ADCY1: variants seen among roughly 807,000 people sequenced by gnomAD.
The protein encoded by ADCY1 is adenylate cyclase 1, also known as adenylate cyclase type 1.
In ADCY1, 28 loss-of-function variants were observed where a neutral mutation model predicts 105.4. That is an observed-to-expected ratio of 0.27 (90% CI 0.20 to 0.36). ADCY1 has a LOEUF of 0.36. Ranked by LOEUF, ADCY1 falls within the 10% of genes least tolerant of loss-of-function variation. ADCY1 has a pLI of 1.00. For synonymous variants in ADCY1, 655 were observed against 623.8 expected (o/e 1.05, Z -0.75); for missense variants, 977 against 1,434.2 (o/e 0.68, Z 5.15).
intron 7 of ADCY1, among the ~76,000 whole-genome samples, chr7:45,661,470 G>A (rs942856166): frequency 2.0e-5 from 3 of 152,074 alleles, no homozygotes; most frequent in African/African-American, 4.8e-5. Flanking sequence ...AGGCCGGCCA[G>A]CAGGAACGAT....
chr7:45,593,221 T>A (rs951538047), intron 2 of ADCY1, among the ~76,000 whole-genome samples: 1 of 152,216 alleles, frequency 6.6e-6, no homozygotes, highest in Non-Finnish European at 1.5e-5. Context: ...AGGTCCTGGC[T>A]GGGCCTCGGA....
intron 4 of ADCY1, among the ~76,000 whole-genome samples, chr7:45,629,509 C>CTTTT (rs34705083): frequency 2.3e-5 from 3 of 129,402 alleles, no homozygotes; most frequent in Admixed American, 7.7e-5. Context: ...GTATGCTTAA[C>CTTTT]TTTTTTTTTT....
intron 14 of ADCY1, among the ~76,000 whole-genome samples, chr7:45,694,213 A>C (rs1330858123): frequency 6.6e-6 from 1 of 152,190 alleles, no homozygotes; most frequent in Admixed American, 6.5e-5. Context: ...CATTCTATTC[A>C]AGAGCACATA....
chr7:45,583,965 T>C lies in ADCY1; in HGVS notation c.639+8783T>C, dbSNP rs373827953. Among the ~76,000 whole-genome samples the C allele has an allele frequency of 7.1e-3, 1,042 of 146,842 alleles. 3 individuals carry two copies. Among genetic ancestry groups the C allele is most frequent in the Non-Finnish European group, 0.012 (786 of 66,658 alleles). On this transcript the variant is annotated intron_variant, in intron 1 of 19. Coordinates refer to ENST00000297323, the MANE Select transcript of ADCY1 (RefSeq NM_021116.4). ...TTTTTTTTTTTTTTTTTTTTTTTTT[T>C]CAGACAAAGTCTCTTTCTGTAGCCA...
At chr7:45,661,783 C>T (rs1256017140) in intron 7 of ADCY1, among the ~76,000 whole-genome samples, 1 of 152,208 alleles carries the variant, frequency 6.6e-6, no homozygotes, top group African/African-American at 2.4e-5. Context: ...CAGCCTTCCC[C>T]CGCACTTTGC....
At chr7:45,695,705 G>A (rs2116236691) in intron 14 of ADCY1, among the ~76,000 whole-genome samples, 1 of 152,362 alleles carries the variant, frequency 6.6e-6, no homozygotes, top group South Asian at 2.1e-4. Context: ...CCCAGAAGTT[G>A]CTTTCTGCCC....
chr7:45,720,564 AGC>A lies in ADCY1; in HGVS notation c.*6570_*6571del, dbSNP rs1305679689. ...AAATCAGAAAATCGACCACAGTGGT[AGC>A]CACCTGGCCTAATGCTGTGTTTTTG... On this transcript the variant is annotated 3_prime_UTR_variant, in exon 20 of 20. Coordinates refer to ENST00000297323, the MANE Select transcript of ADCY1 (RefSeq NM_021116.4). 6.6e-6 allele frequency: 1 copy of A among 151,982 alleles called. No homozygotes were observed. The highest frequency in any genetic ancestry group is 1.5e-5 in the Non-Finnish European group (1 of 68,036). 9.4% of individuals were successfully genotyped at this position (151,982 alleles called of 1,614,324 possible).
At chr7:45,656,102 A>G (rs558590189) in intron 5 of ADCY1, among the ~76,000 whole-genome samples, 5 of 151,990 alleles carry the variant, frequency 3.3e-5, no homozygotes, top group African/African-American at 1.2e-4. Context: ...CCTGGCTAAC[A>G]TGGTGAAACC....
At position 45,622,628 on chromosome 7, in the gene ADCY1, G is replaced by C; in HGVS notation, c.909-4G>C. ...GGGCAGCCTGGCACCCCTTTCTCTTGCAGCATCCTGTTTGCTGACATCGTG... is the reference window on the plus strand; with the variant it reads ...GGGCAGCCTGGCACCCCTTTCTCTTCCAGCATCCTGTTTGCTGACATCGTG... On this transcript the variant is annotated splice_region_variant and splice_polypyrimidine_tract_variant and intron_variant, in intron 3 of 19. Transcript: ENST00000297323. 6.2e-7 allele frequency: 1 copy of C among 1,612,604 alleles called. No individual in the cohort carries two copies. The highest frequency in any genetic ancestry group is 8.5e-7 in the Non-Finnish European group (1 of 1,179,032).
chr7:45,576,954 C>G (rs1792368290), intron 1 of ADCY1, among the ~76,000 whole-genome samples: 1 of 152,144 alleles, frequency 6.6e-6, no homozygotes, highest in African/African-American at 2.4e-5. Context: ...CCTATATAGC[C>G]TCTAGTCATT....
chr7:45,632,833 G>A (rs1794295316), intron 4 of ADCY1, among the ~76,000 whole-genome samples: 1 of 152,096 alleles, frequency 6.6e-6, no homozygotes, highest in Admixed American at 6.5e-5. Flanking sequence ...GCCTCGCAAA[G>A]TTGCAGGGAT....
intron 1 of ADCY1, 129 bp from the exon 2 acceptor site, chr7:45,592,630 C>G: frequency 7.7e-7 from 1 of 1,291,500 alleles, no homozygotes; most frequent in Non-Finnish European, 1.1e-6. Context: ...GTCCCTGGCC[C>G]TGCGCTGTGG....
At chr7:45,649,581 C>A (rs2116063542) in intron 5 of ADCY1, among the ~76,000 whole-genome samples, 1 of 152,346 alleles carries the variant, frequency 6.6e-6, no homozygotes, top group Admixed American at 6.5e-5. Flanking sequence ...GATGCACAGG[C>A]AAACACCCCA....
chr7:45,664,283 C>T (rs1195546814), intron 8 of ADCY1: 1 of 1,536,068 alleles, frequency 6.5e-7, no homozygotes, highest in East Asian at 2.4e-5. Flanking sequence ...GATGCCTCTC[C>T]TGTAGGTTCA....
At chr7:45,705,081 A>G (rs574200516) in intron 17 of ADCY1, among the ~76,000 whole-genome samples, 12 of 152,330 alleles carry the variant, frequency 7.9e-5, no homozygotes, top group Admixed American at 7.8e-4. Context: ...TCAATAATTA[A>G]TAATCTTCTG....
At chr7:45,697,069 A>G (rs1294357063) in intron 14 of ADCY1, among the ~76,000 whole-genome samples, 4 of 152,198 alleles carry the variant, frequency 2.6e-5, no homozygotes, top group South Asian at 2.1e-4. Context: ...CCTGATTTCA[A>G]TGTCTGACAT....
chr7:45,628,746 C>G (rs1017038319), intron 4 of ADCY1, among the ~76,000 whole-genome samples: 1 of 152,218 alleles, frequency 6.6e-6, no homozygotes, highest in African/African-American at 2.4e-5. Flanking sequence ...TTTCTTCCAA[C>G]AAACTGCACC....
intron 14 of ADCY1, among the ~76,000 whole-genome samples, chr7:45,687,871 AT>A (rs2116215893): frequency 6.6e-6 from 1 of 152,238 alleles, no homozygotes; most frequent in Admixed American, 6.5e-5. Flanking sequence ...GGACAAGAGC[AT>A]TTTCACCCTA....
intron 4 of ADCY1, among the ~76,000 whole-genome samples, chr7:45,645,597 G>T (rs9638987): frequency 6.6e-6 from 1 of 152,004 alleles, no homozygotes; most frequent in Non-Finnish European, 1.5e-5. Context: ...GGATAGGCTT[G>T]TTCTGGACTC....
Sources: allele counts gnomAD v4.1 joint callset (sites outside exome capture counted in the v4.1 genomes callset), GRCh38; gene constraint gnomAD v4.1.1; transcripts MANE v1.5; gene names NCBI Gene and HGNC (gene_info 2026-07-23, HGNC 2026-07-21).